Variants in ASPH observed in about 807,000 individuals in gnomAD.
ASPH encodes the protein aspartate beta-hydroxylase, also known as aspartyl/asparaginyl beta-hydroxylase.
In ASPH, 100 loss-of-function variants were observed where a neutral mutation model predicts 118.4. The observed-to-expected ratio is 0.84, with a 90% confidence interval of 0.72 to 1.00. The LOEUF is 1.00. ASPH is among the 50% of genes least tolerant of loss of function. ASPH has a pLI of 0.00. For synonymous variants in ASPH, 315 were observed against 325.6 expected (o/e 0.97, Z 0.35); for missense variants, 920 against 919.5 (o/e 1.00, Z -0.01).
At chr8:61,539,989 G>A (rs1821255527) in intron 21 of ASPH, among the ~76,000 whole-genome samples, 1 of 151,872 alleles carries the variant, frequency 6.6e-6, no homozygotes, top group Non-Finnish European at 1.5e-5. Context: ...ATCCATTTTT[G>A]TTTCAATTTC....
chr8:61,531,089 C>T (rs571209104), intron 21 of ASPH, among the ~76,000 whole-genome samples: 8 of 152,316 alleles, frequency 5.3e-5, no homozygotes, highest in African/African-American at 1.9e-4. Flanking sequence ...TCACATGCAG[C>T]ATTTTTTTTC....
chr8:61,526,576 A>C (rs1215699010), intron 21 of ASPH, among the ~76,000 whole-genome samples: 1 of 152,246 alleles, frequency 6.6e-6, no homozygotes, highest in East Asian at 1.9e-4. Flanking sequence ...TAAGTTAAAC[A>C]TTCAACATAT....
intron 19 of ASPH, among the ~76,000 whole-genome samples, chr8:61,553,778 G>A (rs981127284): frequency 6.6e-6 from 1 of 152,136 alleles, no homozygotes; most frequent in African/African-American, 2.4e-5. Context: ...AGAGAAAAGA[G>A]AAAATATTAA....
At chr8:61,525,592 G>T (rs1234322355) in intron 22 of ASPH, among the ~76,000 whole-genome samples, 1 of 152,174 alleles carries the variant, frequency 6.6e-6, no homozygotes, top group South Asian at 2.1e-4. Context: ...CCATTTTATA[G>T]GAGCAAATGA....
At chr8:61,668,264 C>T in intron 3 of ASPH, 1 of 1,609,328 alleles carries the variant, frequency 6.2e-7, no homozygotes, top group Non-Finnish European at 8.5e-7. Flanking sequence ...TTGGCTACCC[C>T]ACTGGGTCCT....
At chr8:61,624,282 T>A in intron 13 of ASPH, 1 of 985,354 alleles carries the variant, frequency 1.0e-6, no homozygotes, top group Non-Finnish European at 1.2e-6. Context: ...AACTTCTAGG[T>A]GCAGGACAAA....
intron 14 of ASPH, among the ~76,000 whole-genome samples, chr8:61,589,402 T>C (rs1840423941): frequency 6.6e-6 from 1 of 152,216 alleles, no homozygotes; most frequent in South Asian, 2.1e-4. Context: ...TAAATTTAGT[T>C]TGAAACTCTC....
intron 18 of ASPH, among the ~76,000 whole-genome samples, chr8:61,557,908 A>G (rs906733498): frequency 6.6e-6 from 1 of 152,200 alleles, no homozygotes; most frequent in African/African-American, 2.4e-5. Flanking sequence ...CAGCATAACC[A>G]TGGAGGGATT....
intron 1 of ASPH, among the ~76,000 whole-genome samples, chr8:61,690,913 G>C (rs1409001282): frequency 1.3e-5 from 2 of 150,806 alleles, no homozygotes; most frequent in African/African-American, 2.4e-5. Context: ...CCGTCTGAGA[G>C]TGTGTGTGTG....
At chr8:61,624,753 C>T (rs1279987627) in intron 13 of ASPH, 3 of 985,662 alleles carry the variant, frequency 3.0e-6, no homozygotes, top group Non-Finnish European at 3.6e-6. Context: ...TACTTTTACT[C>T]ATTCATCAGT....
chr8:61,631,156 A>G (rs990718300), intron 13 of ASPH, among the ~76,000 whole-genome samples: 1 of 152,248 alleles, frequency 6.6e-6, no homozygotes, highest in Non-Finnish European at 1.5e-5. Context: ...GTTTTTAAAA[A>G]TTAGGTTTAC....
chr8:61,503,249 A>G lies in ASPH; in HGVS notation c.*110T>C. ...GGAGGCTTTGAATTACTCGGGCTGC[A>G]AGTCAAGGGAATTGACTCTTGGTGT... On this transcript the variant is annotated 3_prime_UTR_variant, in exon 25 of 25. Transcript: ENST00000379454. The G allele has an allele frequency of 1.5e-6, 2 of 1,290,560 alleles. No individual in the cohort carries two copies. The highest frequency in any genetic ancestry group is 2.1e-6 in the Non-Finnish European group (2 of 968,378). The allele number at this position is 1,290,560 out of a possible 1,614,324, so 79.9% of individuals were successfully genotyped here. A position where few individuals can be genotyped will look rare whatever the true frequency, so the allele number is the denominator to read the frequency against.
At chr8:61,708,933 A>G (rs1271305581) in intron 1 of ASPH, among the ~76,000 whole-genome samples, 2 of 132,772 alleles carry the variant, frequency 1.5e-5, no homozygotes, top group African/African-American at 5.7e-5. Context: ...TGGAGCACAC[A>G]TAGTATCTAC....
chr8:61,656,603 C>G (rs1017756306), intron 3 of ASPH: 2 of 152,158 alleles, frequency 1.3e-5, no homozygotes, highest in African/African-American at 4.8e-5. Context: ...ATAGATACTG[C>G]CAGTCCACAG....
Position 61,576,753 on chromosome 8 carries a change from G to A in ASPH, c.1149+19C>T. The A allele has an allele frequency of 6.3e-7, 1 of 1,597,550 alleles. No homozygotes were observed. Among genetic ancestry groups the A allele is most frequent in the Non-Finnish European group, 8.5e-7 (1 of 1,170,548 alleles). On this transcript the variant is annotated intron_variant, in intron 16 of 24. Coordinates refer to ENST00000379454, the MANE Select transcript of ASPH (RefSeq NM_004318.4). ...ATGAACATCAAAAAAGTGTCCTAAG[G>A]AGAAGGGTCTCAGAATACCTGCGCC... is the stretch of plus-strand genomic sequence containing the variant.
rs983353116 is a variant in ASPH, at chr8:61,643,971, T to C, written c.683A>G (p.Glu228Gly). The change falls in exon 8 of 25, where the codon GAG becomes GGG. Residue 228 changes from glutamate (E) to glycine (G), a missense_variant. Transcript: ENST00000379454. ...VSQDCNQDME[E>G]MMSEQENPDS... ...TGGATTTTCCTGCTCAGACATCATC[T>C]CTTCCATATCCTGATTACAGTCTTG... 3.1e-6 allele frequency: 5 copies of C among 1,611,236 alleles called. No individual in the cohort carries two copies. In the African/African-American group the frequency reaches 6.7e-5, roughly 22 times the overall value.
At chr8:61,586,071 T>G (rs1293549474) in intron 14 of ASPH, among the ~76,000 whole-genome samples, 1 of 152,164 alleles carries the variant, frequency 6.6e-6, no homozygotes, top group African/African-American at 2.4e-5. Context: ...TTTTGCAACA[T>G]TTGACACAGT....
intron 1 of ASPH, among the ~76,000 whole-genome samples, chr8:61,706,096 A>G (rs1482879713): frequency 6.6e-6 from 1 of 152,180 alleles, no homozygotes; most frequent in African/African-American, 2.4e-5. Context: ...ATGACTTTCA[A>G]ATAAGATTAT....
At chr8:61,509,835 C>A (rs1296861923) in intron 24 of ASPH, among the ~76,000 whole-genome samples, 1 of 152,084 alleles carries the variant, frequency 6.6e-6, no homozygotes, top group East Asian at 1.9e-4. Flanking sequence ...CTTGTCACAC[C>A]TCCCTTCTCC....
Sources: allele counts gnomAD v4.1 joint callset (sites outside exome capture counted in the v4.1 genomes callset), GRCh38; gene constraint gnomAD v4.1.1; transcripts MANE v1.5; gene names NCBI Gene and HGNC (gene_info 2026-07-23, HGNC 2026-07-21).